CAST: variants seen among roughly 807,000 people sequenced by gnomAD.
CAST encodes the protein calpastatin.
Under a neutral mutation model 119.6 loss-of-function variants are expected in CAST, and 76 were observed. The ratio of observed to expected loss-of-function variants is 0.64; its 90% CI spans 0.53 to 0.77. The LOEUF (loss-of-function observed/expected upper bound fraction) is 0.77. CAST is among the 30% of genes least tolerant of loss of function. The pLI is 0.00. For synonymous variants in CAST, 319 were observed against 331.6 expected (o/e 0.96, Z 0.41); for missense variants, 953 against 946.5 (o/e 1.01, Z -0.09).
the CAST span, among the ~76,000 whole-genome samples, chr5:96,466,728 C>T: frequency 6.6e-6 from 1 of 152,086 alleles, no homozygotes; most frequent in Non-Finnish European, 1.5e-5. Flanking sequence ...CTGTATAGTA[C>T]TCCATAATTT....
chr5:96,161,060 GT>G, the CAST span, among the ~76,000 whole-genome samples: 2 of 151,918 alleles, frequency 1.3e-5, no homozygotes. Context: ...TCTGTATGTT[GT>G]TTTTTCACTT....
chr5:96,521,112 G>T (rs1471525378), upstream of CAST, among the ~76,000 whole-genome samples: 2 of 152,168 alleles, frequency 1.3e-5, no homozygotes, highest in East Asian at 3.9e-4. Context: ...TGTTATGTTT[G>T]CCTCTTCCAT....
the CAST span, among the ~76,000 whole-genome samples, chr5:95,972,149 T>C: frequency 2.0e-5 from 3 of 151,910 alleles, no homozygotes; most frequent in African/African-American, 7.3e-5. Context: ...ATTTTGTAGA[T>C]ATAAGGTCTC....
At chr5:96,664,241 C>T (rs1306400011) in intron 1 of CAST, among the ~76,000 whole-genome samples, 2 of 150,646 alleles carry the variant, frequency 1.3e-5, no homozygotes, top group African/African-American at 4.9e-5. Context: ...TTTTATTCTC[C>T]GTTTCTATAT....
At chr5:96,296,163 A>G in the CAST span, among the ~76,000 whole-genome samples, 1 of 152,212 alleles carries the variant, frequency 6.6e-6, no homozygotes, top group African/African-American at 2.4e-5. Context: ...CAAAAAATCT[A>G]ATTGGATTTC....
At chr5:96,770,400 A>G (rs1771843186) in intron 29 of CAST, 131 bp from the exon 30 acceptor site, 4 of 609,128 alleles carry the variant, frequency 6.6e-6, no homozygotes, top group Non-Finnish European at 1.2e-5. Context: ...TCATGAAAAA[A>G]CACCCAAAGT....
At chr5:96,596,765 C>T (rs1561426051) in intron 1 of CAST, among the ~76,000 whole-genome samples, 1 of 152,188 alleles carries the variant, frequency 6.6e-6, no homozygotes, top group Non-Finnish European at 1.5e-5. Flanking sequence ...TGAGAATCCT[C>T]AGCTGCCAAC....
At chr5:96,506,128 C>G in the CAST span, among the ~76,000 whole-genome samples, 1 of 152,226 alleles carries the variant, frequency 6.6e-6, no homozygotes, top group African/African-American at 2.4e-5. Flanking sequence ...TAATGAGAGG[C>G]TGCACATAAC....
intron 3 of CAST, among the ~76,000 whole-genome samples, chr5:96,700,953 G>A (rs917098118): frequency 1.1e-4 from 17 of 150,970 alleles, no homozygotes; most frequent in Non-Finnish European, 2.5e-4. Flanking sequence ...TTTTGAGACA[G>A]GGTCTCACTA....
chr5:96,737,812 A>G, intron 10 of CAST, 37 bp from the exon 11 acceptor site: 1 of 1,224,970 alleles, frequency 8.2e-7, no homozygotes, highest in Non-Finnish European at 1.2e-6. Flanking sequence ...AATATGTATA[A>G]CAAATAACAT....
the CAST span, among the ~76,000 whole-genome samples, chr5:96,018,363 A>G: frequency 5.9e-5 from 9 of 151,954 alleles, no homozygotes; most frequent in African/African-American, 2.2e-4. Flanking sequence ...AGATTAAGTA[A>G]GCATAGACAT....
intron 29 of CAST, chr5:96,768,376 G>A (rs1359281070): frequency 1.7e-5 from 8 of 457,708 alleles, no homozygotes; most frequent in African/African-American, 1.0e-4. Context: ...GAGCCACTGC[G>A]CCTGGCCCTT....
At chr5:95,962,658 C>T in the CAST span, among the ~76,000 whole-genome samples, 6 of 152,098 alleles carry the variant, frequency 3.9e-5, no homozygotes, top group Non-Finnish European at 7.4e-5. Flanking sequence ...AATTGAGCTT[C>T]GAGGTCTTTC....
At position 96,730,840 on chromosome 5, in the gene CAST, T is replaced by C. The variant is rs1241283470; in HGVS notation, c.610T>C (p.Ser204Pro). The C allele has an allele frequency of 6.2e-6, 10 of 1,613,486 alleles. No individual in the cohort carries two copies. The highest frequency in any genetic ancestry group is 8.5e-6 in the Non-Finnish European group (10 of 1,179,502). ...GAGTGTTGCTGGTATCACTGCAATA[T>C]CTGGCAAGCCGGGTGACAAGGTGAG... ...GESVAGITAI[S>P]GKPGDKKKEK... The change falls in exon 9 of 32, where the codon TCT (serine) becomes CCT (proline). Residue 204 changes from serine to proline, a missense_variant. Coordinates refer to ENST00000675179, the MANE Select transcript of CAST (RefSeq NM_001750.7).
At chr5:96,690,494 T>A (rs1752611183) in intron 2 of CAST, among the ~76,000 whole-genome samples, 1 of 152,198 alleles carries the variant, frequency 6.6e-6, no homozygotes, top group East Asian at 1.9e-4. Flanking sequence ...CCTGCCAAAG[T>A]GCTAGGATTA....
the CAST span, among the ~76,000 whole-genome samples, chr5:96,363,747 G>A: frequency 1.6e-4 from 25 of 152,054 alleles, no homozygotes; most frequent in Non-Finnish European, 2.8e-4. Flanking sequence ...TAAGACGGTG[G>A]GGTTTTCTAA....
chr5:96,535,104 T>C (rs1469371741), intron 1 of CAST, among the ~76,000 whole-genome samples: 1 of 152,210 alleles, frequency 6.6e-6, no homozygotes, highest in Non-Finnish European at 1.5e-5. Flanking sequence ...TGGCATATAG[T>C]ATCAACCTTG....
chr5:96,659,018 A>T (rs1580860915), upstream of CAST, among the ~76,000 whole-genome samples: 1 of 152,216 alleles, frequency 6.6e-6, no homozygotes, highest in South Asian at 2.1e-4. Context: ...ATATATTTAT[A>T]TGCAAATCGA....
chr5:96,451,026 A>G, the CAST span, among the ~76,000 whole-genome samples: 1 of 152,212 alleles, frequency 6.6e-6, no homozygotes, highest in African/African-American at 2.4e-5. Flanking sequence ...ATAAAGTGAC[A>G]TTCTGCCCAT....
Sources: gnomAD v4.1 joint callset for allele counts (sites outside exome capture counted in the v4.1 genomes callset) on GRCh38, gnomAD v4.1.1 for gene constraint, MANE v1.5 for transcripts, NCBI Gene and HGNC (gene_info 2026-07-23, HGNC 2026-07-21) for gene names.